PHF21B: variants seen among roughly 807,000 people sequenced by gnomAD.
PHF21B encodes the protein PHD finger protein 4.
A neutral mutation model predicts 62.2 loss-of-function variants in PHF21B; 22 were observed. That is an observed-to-expected ratio of 0.35 (90% CI 0.25 to 0.51). The LOEUF is 0.51. Among genes scored for constraint, PHF21B ranks in the 20% least tolerant of loss-of-function variants. The pLI is 0.97. For synonymous variants in PHF21B, 341 were observed against 314.7 expected, an observed-to-expected ratio of 1.08 and a Z score of -0.88; for missense variants, 701 against 707.9, an observed-to-expected ratio of 0.99 and a Z score of 0.11.
rs567342943 is a variant in PHF21B at position 44,910,497 on chromosome 22, T to G, written c.831+3325A>C. Among the ~76,000 whole-genome samples the G allele has an allele frequency of 2.6e-5, 4 of 152,162 alleles. 1 individual carries two copies. The highest frequency in any genetic ancestry group is 9.7e-5 in the African/African-American group (4 of 41,440). ...ATGGGAGGGACCTGGTGGGAGGTAATTGAATCATGGGGCGGGTCTTTCCTG... is the reference window on the plus strand; with the variant it reads ...ATGGGAGGGACCTGGTGGGAGGTAAGTGAATCATGGGGCGGGTCTTTCCTG... On this transcript the variant is annotated intron_variant, in intron 5 of 12. Coordinates refer to ENST00000313237, the MANE Select transcript of PHF21B (RefSeq NM_138415.5).
chr22:45,008,814 G>A, intron 1 of PHF21B: 2 of 1,183,506 alleles, frequency 1.7e-6, no homozygotes, highest in South Asian at 4.2e-5. Flanking sequence ...CGCCTCATCG[G>A]GGCAGCTCGC....
At chr22:44,938,487 C>T (rs1409166494) in intron 2 of PHF21B, among the ~76,000 whole-genome samples, 2 of 152,224 alleles carry the variant, frequency 1.3e-5, no homozygotes, top group Non-Finnish European at 2.9e-5. Context: ...CCTGCCTTGG[C>T]CTCCCAAAGT....
intron 9 of PHF21B, 122 bp downstream of exon 9, chr22:44,889,625 CACCTAAAGGCAGA>C: frequency 9.2e-7 from 1 of 1,089,796 alleles, no homozygotes; most frequent in Non-Finnish European, 1.3e-6. Context: ...AAGCTCTTAG[CACCTAAAGGCAGA>C]ACCGAAAGGC....
At chr22:44,970,180 C>T (rs181410497) in intron 2 of PHF21B, among the ~76,000 whole-genome samples, 219 of 152,358 alleles carry the variant, frequency 1.4e-3, no homozygotes, top group Non-Finnish European at 2.3e-3. Context: ...AGTAAGCTTT[C>T]CACTAGGAAG....
chr22:44,891,658 G>A (rs2070968347), intron 7 of PHF21B, among the ~76,000 whole-genome samples: 1 of 152,192 alleles, frequency 6.6e-6, no homozygotes, highest in Non-Finnish European at 1.5e-5. Flanking sequence ...GCCGTCAGTG[G>A]GACACATCAG....
chr22:44,910,691 T>G (rs1408746918), intron 5 of PHF21B, among the ~76,000 whole-genome samples: 2 of 152,186 alleles, frequency 1.3e-5, no homozygotes, highest in Non-Finnish European at 2.9e-5. Flanking sequence ...GAACTGTGAG[T>G]TCTCCATTAA....
chr22:44,893,697 G>A (rs2071007628), intron 6 of PHF21B, among the ~76,000 whole-genome samples, 164 bp from the exon 7 acceptor site: 1 of 152,228 alleles, frequency 6.6e-6, no homozygotes, highest in Non-Finnish European at 1.5e-5. Flanking sequence ...AGGGCCTCCA[G>A]GAATCACTGA....
At position 44,885,854 on chromosome 22, in the gene PHF21B, A is replaced by T; in HGVS notation, c.1273+9T>A. ...AGGTACCCTTTTCCACTCCCCAGGG[A>T]TGCCTCACCTGTCTTGTGGGTGACA... is the stretch of plus-strand genomic sequence containing the variant. On this transcript the variant is annotated intron_variant, in intron 11 of 12. Transcript: ENST00000313237. The T allele has an allele frequency of 1.2e-6, 2 of 1,613,738 alleles. No homozygotes were observed. The highest frequency in any genetic ancestry group is 1.7e-6 in the Non-Finnish European group (2 of 1,179,720).
At chr22:44,956,668 T>C (rs1601642460) in intron 2 of PHF21B, among the ~76,000 whole-genome samples, 1 of 151,560 alleles carries the variant, frequency 6.6e-6, no homozygotes, top group South Asian at 2.1e-4. Context: ...CCCCAGGAGG[T>C]CTGAAGCCCA....
intron 3 of PHF21B, 84 bp from the exon 4 acceptor site, chr22:44,916,714 T>C: frequency 8.1e-7 from 1 of 1,238,152 alleles, no homozygotes; most frequent in South Asian, 1.2e-5. Flanking sequence ...GGAGACTTCC[T>C]ATATTCAAGG....
chr22:44,975,313 C>A (rs893239509), intron 2 of PHF21B, among the ~76,000 whole-genome samples: 4 of 152,162 alleles, frequency 2.6e-5, no homozygotes, highest in African/African-American at 9.7e-5. Context: ...TTGGACTCCC[C>A]CTCTGGCCAC....
chr22:44,919,583 G>A (rs1419822081), intron 3 of PHF21B, among the ~76,000 whole-genome samples: 1 of 152,210 alleles, frequency 6.6e-6, no homozygotes, highest in Non-Finnish European at 1.5e-5. Context: ...CCATCCTTGA[G>A]CTGGGGGAAT....
At chr22:44,996,759 CG>C (rs1461445240) in intron 2 of PHF21B, among the ~76,000 whole-genome samples, 1 of 151,148 alleles carries the variant, frequency 6.6e-6, no homozygotes, top group Non-Finnish European at 1.5e-5. Flanking sequence ...CATGCACACA[CG>C]GATCCACACA....
At chr22:44,904,382 T>A (rs2071213390) in intron 5 of PHF21B, among the ~76,000 whole-genome samples, 1 of 152,144 alleles carries the variant, frequency 6.6e-6, no homozygotes, top group South Asian at 2.1e-4. Flanking sequence ...TGTCTCTGGC[T>A]TCATCTATCT....
chr22:44,908,625 A>C (rs959455147), intron 5 of PHF21B, among the ~76,000 whole-genome samples: 8 of 152,188 alleles, frequency 5.3e-5, no homozygotes, highest in African/African-American at 1.9e-4. Context: ...CCCAAACACC[A>C]ATCATGTTTC....
chr22:44,888,355 C>T (rs1211765621), intron 9 of PHF21B, among the ~76,000 whole-genome samples: 2 of 152,194 alleles, frequency 1.3e-5, no homozygotes, highest in African/African-American at 2.4e-5. Flanking sequence ...TTACTAGGGG[C>T]TGGGGCACTG....
chr22:44,997,660 T>A (rs1411422758), intron 2 of PHF21B, among the ~76,000 whole-genome samples: 1 of 152,212 alleles, frequency 6.6e-6, no homozygotes, highest in Non-Finnish European at 1.5e-5. Flanking sequence ...TTAATTACAT[T>A]TTCAGGTTCA....
intron 2 of PHF21B, among the ~76,000 whole-genome samples, chr22:44,948,198 TTACA>T (rs1489568342): frequency 2.0e-5 from 3 of 152,210 alleles, no homozygotes; most frequent in African/African-American, 7.2e-5. Context: ...TCTGTTATTA[TTACA>T]TTGTAATAGA....
intron 2 of PHF21B, among the ~76,000 whole-genome samples, chr22:44,963,339 C>T (rs1181851724): frequency 6.6e-6 from 1 of 152,368 alleles, no homozygotes; most frequent in East Asian, 1.9e-4. Context: ...GGGAGGATGA[C>T]CCACCATGCT....
Sources: gnomAD v4.1 joint callset for allele counts (sites outside exome capture counted in the v4.1 genomes callset) on GRCh38, gnomAD v4.1.1 for gene constraint, MANE v1.5 for transcripts, NCBI Gene and HGNC (gene_info 2026-07-23, HGNC 2026-07-21) for gene names.